Variants in RCAN2 observed in about 807,000 individuals in gnomAD.
The protein encoded by RCAN2 is regulator of calcineurin 2.
A neutral mutation model predicts 23.6 loss-of-function variants in RCAN2; 9 were observed. The ratio of observed to expected loss-of-function variants is 0.38; its 90% CI spans 0.23 to 0.67. The LOEUF is 0.67. Ranked by LOEUF, RCAN2 falls within the 30% of genes least tolerant of loss-of-function variation. The pLI, the probability that RCAN2 is intolerant of heterozygous loss-of-function variation, is 0.51. For missense variants in RCAN2, 273 were observed against 302.3 expected (o/e 0.90, Z 0.72); for synonymous variants, 109 against 115.7 (o/e 0.94, Z 0.37).
intron 2 of RCAN2, among the ~76,000 whole-genome samples, chr6:46,366,683 T>A (rs1043962295): frequency 6.6e-6 from 1 of 152,010 alleles, no homozygotes; most frequent in Non-Finnish European, 1.5e-5. Flanking sequence ...GGATGTCTGA[T>A]CACCTGGCCT....
chr6:46,251,074 T>G (rs1766696322), intron 2 of RCAN2, among the ~76,000 whole-genome samples: 1 of 152,206 alleles, frequency 6.6e-6, no homozygotes, highest in African/African-American at 2.4e-5. Flanking sequence ...TTGTGGAGAT[T>G]TGAGGGGTTC....
At chr6:46,410,005 T>C (rs565715133) in intron 2 of RCAN2, among the ~76,000 whole-genome samples, 2 of 152,168 alleles carry the variant, frequency 1.3e-5, no homozygotes, top group South Asian at 4.2e-4. Flanking sequence ...GAAAGGTGAT[T>C]TTGTTTTCTC....
chr6:46,332,153 T>C (rs1763994643), intron 2 of RCAN2, among the ~76,000 whole-genome samples: 1 of 152,186 alleles, frequency 6.6e-6, no homozygotes, highest in Non-Finnish European at 1.5e-5. Flanking sequence ...TTTAATTTTG[T>C]GTTATAATTA....
intron 4 of RCAN2, among the ~76,000 whole-genome samples, chr6:46,235,109 C>T (rs181564875): frequency 5.9e-5 from 9 of 152,148 alleles, no homozygotes; most frequent in Admixed American, 2.0e-4. Context: ...CTAAAATAAT[C>T]AGTATGATTA....
chr6:46,404,527 A>T (rs926885045), intron 2 of RCAN2, among the ~76,000 whole-genome samples: 2 of 152,212 alleles, frequency 1.3e-5, no homozygotes, highest in Non-Finnish European at 2.9e-5. Flanking sequence ...AAGTTCTTAA[A>T]TGTGGGTTTG....
intron 1 of RCAN2, among the ~76,000 whole-genome samples, chr6:46,457,708 T>G (rs532128964): frequency 6.6e-6 from 1 of 152,288 alleles, no homozygotes; most frequent in Non-Finnish European, 1.5e-5. Context: ...ACTGAGATAA[T>G]TACTTCAAGT....
At position 46,457,748 on chromosome 6, in the gene RCAN2, A is replaced by T. The variant is rs146634773; in HGVS notation, c.-2-770T>A. The stretch of plus-strand genomic sequence containing the variant: ...TGTGAACCAGGTCCAGATCCTAAAA[A>T]AATCAGTGCTATCTTGATCAATCCA... On this transcript the variant is annotated intron_variant, in intron 1 of 4. Coordinates refer to ENST00000371374, the MANE Select transcript of RCAN2 (RefSeq NM_001251974.2). Among the ~76,000 whole-genome samples, 47 of 152,308 alleles carry T rather than the reference A, an allele frequency of 3.1e-4. No homozygotes were observed. The East Asian group carries it at 8.7e-3, about 28-fold the overall frequency.
intron 2 of RCAN2, among the ~76,000 whole-genome samples, chr6:46,397,486 G>A (rs1182151706): frequency 6.6e-6 from 1 of 151,966 alleles, no homozygotes; most frequent in Non-Finnish European, 1.5e-5. Flanking sequence ...TCAATTTCCT[G>A]GTTTTAATAA....
chr6:46,428,168 A>G (rs1436690820), intron 2 of RCAN2, among the ~76,000 whole-genome samples: 1 of 152,192 alleles, frequency 6.6e-6, no homozygotes, highest in East Asian at 1.9e-4. Flanking sequence ...TATTCCTCTC[A>G]GATAGATGCT....
chr6:46,321,599 G>A lies in RCAN2; in HGVS notation c.226-72703C>T, dbSNP rs16874581. Among the ~76,000 whole-genome samples, 144 of 152,348 alleles carry A rather than the reference G, an allele frequency of 9.5e-4. 3 individuals are homozygous for A. The East Asian group carries it at 0.022, about 23-fold the overall frequency. Reference sequence around the variant, plus strand: ...TGAATCAGAAGCCCTCCAATCTAGAGAGAAGGAACCCACCCTTTCTTCTGT... The same window carrying A: ...TGAATCAGAAGCCCTCCAATCTAGAAAGAAGGAACCCACCCTTTCTTCTGT... On this transcript the variant is annotated intron_variant, in intron 2 of 4. Coordinates refer to ENST00000371374, the MANE Select transcript of RCAN2 (RefSeq NM_001251974.2).
chr6:46,292,435 T>TTG (rs1762594625), intron 2 of RCAN2, among the ~76,000 whole-genome samples: 1 of 145,012 alleles, frequency 6.9e-6, no homozygotes, highest in Non-Finnish European at 1.5e-5. Context: ...TGTTTTTTTT[T>TTG]TTGTTTTTTT....
At chr6:46,484,921 A>C (rs146289802) in intron 1 of RCAN2, among the ~76,000 whole-genome samples, 1 of 152,266 alleles carries the variant, frequency 6.6e-6, no homozygotes, top group African/African-American at 2.4e-5. Context: ...ATCTTCACCA[A>C]AAAGAGTGCT....
chr6:46,266,202 A>G (rs905521642), intron 2 of RCAN2, among the ~76,000 whole-genome samples: 5 of 152,178 alleles, frequency 3.3e-5, no homozygotes, highest in Non-Finnish European at 2.9e-5. Flanking sequence ...AGACCTAAGC[A>G]CTTCCTGACT....
At chr6:46,425,896 CT>C (rs1049166361) in intron 2 of RCAN2, among the ~76,000 whole-genome samples, 1,635 of 126,670 alleles carry the variant, frequency 0.013, 12 homozygotes, top group African/African-American at 0.04. Flanking sequence ...TTCTTTCTTT[CT>C]TTTTTTTTTT....
chr6:46,246,909 G>C lies in RCAN2; in HGVS notation c.410C>G (p.Pro137Arg), dbSNP rs773049815. Residue 137 changes from proline (P) to arginine (R), a missense_variant, in exon 4 of 5, where the codon CCA becomes CGA. Pro to Arg is a moderately radical substitution (Grantham distance 103). Transcript: ENST00000371374. ...GTGCAGTTTGTCTCCATCTGTCTCT[G>C]GAGTCTGAACCTTTCAAATAGAGTA... ...LKLYFAQVQTPETDGDKLHLA... is the reference protein window; with the variant it reads ...LKLYFAQVQTRETDGDKLHLA... The C allele has an allele frequency of 6.3e-7, 1 of 1,580,244 alleles. No individual in the cohort carries two copies. Among genetic ancestry groups the C allele is most frequent in the Non-Finnish European group, 8.6e-7 (1 of 1,161,624 alleles).
chr6:46,345,986 C>T (rs566345689), intron 2 of RCAN2, among the ~76,000 whole-genome samples: 125 of 152,110 alleles, frequency 8.2e-4, no homozygotes, highest in Non-Finnish European at 1.2e-3. Context: ...TAAACAAAAG[C>T]TCTTTGGAGT....
chr6:46,487,956 C>G lies in RCAN2; in HGVS notation c.-3+3217G>C, dbSNP rs1769041469. Among the ~76,000 whole-genome samples, 3 of 152,298 alleles carry G rather than the reference C, an allele frequency of 2.0e-5. No individual in the cohort carries two copies. In the South Asian group the frequency reaches 6.2e-4, roughly 32 times the overall value. On this transcript the variant is annotated intron_variant, in intron 1 of 4. Coordinates refer to ENST00000371374, the MANE Select transcript of RCAN2 (RefSeq NM_001251974.2). ...GTCACACTCCCTAGAGAGCATCTAA[C>G]CGACCTCTTGTTCCATGAATATACA...
intron 2 of RCAN2, among the ~76,000 whole-genome samples, chr6:46,444,806 G>C (rs1294216162): frequency 6.6e-6 from 1 of 152,072 alleles, no homozygotes; most frequent in Non-Finnish European, 1.5e-5. Context: ...TAGGCTCCAG[G>C]ACCACCCCTT....
chr6:46,291,283 T>TG (rs1762553852), intron 2 of RCAN2, among the ~76,000 whole-genome samples: 1 of 151,398 alleles, frequency 6.6e-6, no homozygotes, highest in Non-Finnish European at 1.5e-5. Flanking sequence ...CGCCAGTGTT[T>TG]TTTTTTTTTT....
Sources: allele counts gnomAD v4.1 joint callset (sites outside exome capture counted in the v4.1 genomes callset), GRCh38; gene constraint gnomAD v4.1.1; transcripts MANE v1.5; gene names NCBI Gene and HGNC (gene_info 2026-07-23, HGNC 2026-07-21).